The following EIPR1 variants were observed in gnomAD, a reference collection of about 807,000 sequenced individuals.
EIPR1 encodes the protein EARP complex and GARP complex interacting protein 1, also known as EARP and GARP complex-interacting protein 1.
In EIPR1, 25 loss-of-function variants were observed where a neutral mutation model predicts 48.1. The observed-to-expected ratio is 0.52, with a 90% CI of 0.38 to 0.73. The LOEUF (loss-of-function observed/expected upper bound fraction) is 0.73, where lower values mean the gene tolerates loss of function less well. Among genes scored for constraint, EIPR1 ranks in the 30% least tolerant of loss-of-function variants. The pLI, the probability that EIPR1 is intolerant of heterozygous loss-of-function variation, is 0.00. For synonymous variants in EIPR1, 204 were observed against 201.9 expected (o/e 1.01, Z -0.09); for missense variants, 415 against 506.2 (o/e 0.82, Z 1.73).
At chr2:3,267,585 A>G (rs1264773980) in intron 3 of EIPR1, among the ~76,000 whole-genome samples, 1 of 152,236 alleles carries the variant, frequency 6.6e-6, no homozygotes, top group Non-Finnish European at 1.5e-5. Context: ...AGATTGAGCT[A>G]GCAATTTGGT....
intron 3 of EIPR1, among the ~76,000 whole-genome samples, chr2:3,322,885 A>T (rs1421225985): frequency 6.6e-6 from 1 of 152,156 alleles, no homozygotes; most frequent in Non-Finnish European, 1.5e-5. Flanking sequence ...TCCCATCAGC[A>T]CCGTCCCTCC....
At chr2:3,323,956 G>T (rs1047716621) in intron 3 of EIPR1, among the ~76,000 whole-genome samples, 4 of 152,334 alleles carry the variant, frequency 2.6e-5, no homozygotes, top group African/African-American at 7.2e-5. Flanking sequence ...AACACTCTTG[G>T]AAGGTTCAGA....
chr2:3,223,743 C>T (rs564891864), intron 4 of EIPR1, among the ~76,000 whole-genome samples: 1 of 152,226 alleles, frequency 6.6e-6, no homozygotes, highest in Admixed American at 6.5e-5. Context: ...CTGCCCTCTG[C>T]TCTCTCTATG....
chr2:3,303,193 C>T (rs1449995457), intron 3 of EIPR1, among the ~76,000 whole-genome samples: 4 of 152,180 alleles, frequency 2.6e-5, no homozygotes, highest in African/African-American at 7.2e-5. Flanking sequence ...AAGCTGGCTC[C>T]GGCTGATTAA....
At chr2:3,195,370 T>C (rs1043005693) in intron 6 of EIPR1, among the ~76,000 whole-genome samples, 1 of 152,264 alleles carries the variant, frequency 6.6e-6, no homozygotes. Flanking sequence ...GGGAAACTTC[T>C]GTGCCTTGTA....
chr2:3,299,570 T>C (rs1428103721), intron 3 of EIPR1, among the ~76,000 whole-genome samples: 2 of 151,736 alleles, frequency 1.3e-5, no homozygotes, highest in Non-Finnish European at 2.9e-5. Context: ...AAATTCCCAT[T>C]TGTATGTTTT....
At position 3,242,614 on chromosome 2, in the gene EIPR1, G is replaced by C. The variant is rs145521619; in HGVS notation, c.416+14685C>G. ...GGCTGGAAGACAGAGATTTCAGATG[G>C]CGTGGAAGCTTGTGCTCAGACTAAG... On this transcript the variant is annotated intron_variant, in intron 4 of 8. Coordinates refer to ENST00000382125, the MANE Select transcript of EIPR1 (RefSeq NM_003310.5). Among the ~76,000 whole-genome samples the C allele has an allele frequency of 3.6e-3, 544 of 152,344 alleles. 5 individuals are homozygous for C. Among genetic ancestry groups the C allele is most frequent in the African/African-American group, 0.013 (525 of 41,578 alleles).
chr2:3,202,558 G>A (rs1665085389), intron 5 of EIPR1, among the ~76,000 whole-genome samples: 1 of 152,190 alleles, frequency 6.6e-6, no homozygotes, highest in African/African-American at 2.4e-5. Context: ...CCTTTAGAAG[G>A]TAATGCAAAT....
At chr2:3,238,756 G>A (rs1197636467) in intron 4 of EIPR1, among the ~76,000 whole-genome samples, 1 of 152,244 alleles carries the variant, frequency 6.6e-6, no homozygotes, top group Non-Finnish European at 1.5e-5. Context: ...TGAAGAGAAA[G>A]GAGCTTGCTT....
chr2:3,369,092 T>G (rs1671044979), intron 1 of EIPR1, among the ~76,000 whole-genome samples: 2 of 152,206 alleles, frequency 1.3e-5, no homozygotes, highest in Non-Finnish European at 2.9e-5. Context: ...TTCTTCAAAC[T>G]TAAGAAAGTC....
intron 3 of EIPR1, among the ~76,000 whole-genome samples, chr2:3,262,589 C>A (rs1667367397): frequency 1.3e-5 from 2 of 152,238 alleles, no homozygotes; most frequent in South Asian, 4.1e-4. Context: ...TGGGGAGAGG[C>A]AGCCCTGCTT....
At chr2:3,272,645 T>C (rs1199884975) in intron 3 of EIPR1, among the ~76,000 whole-genome samples, 1 of 152,084 alleles carries the variant, frequency 6.6e-6, no homozygotes, top group Non-Finnish European at 1.5e-5. Flanking sequence ...ACAATTACAA[T>C]AGGAACATCA....
chr2:3,246,306 T>A (rs1666792429), intron 4 of EIPR1, among the ~76,000 whole-genome samples: 1 of 152,142 alleles, frequency 6.6e-6, no homozygotes, highest in Non-Finnish European at 1.5e-5. Context: ...TTTCCACTGT[T>A]CTGTCATACT....
chr2:3,347,042 C>T (rs1166527026), intron 2 of EIPR1, among the ~76,000 whole-genome samples: 1 of 152,100 alleles, frequency 6.6e-6, no homozygotes, highest in African/African-American at 2.4e-5. Context: ...AAGCATGTGG[C>T]ACTCCCCCTC....
intron 3 of EIPR1, among the ~76,000 whole-genome samples, chr2:3,333,393 C>A (rs1363053646): frequency 1.3e-5 from 2 of 152,170 alleles, no homozygotes; most frequent in African/African-American, 4.8e-5. Flanking sequence ...TAGACACCCT[C>A]CTCAGAGGCC....
At chr2:3,370,059 T>C (rs994246740) in intron 1 of EIPR1, among the ~76,000 whole-genome samples, 6 of 152,092 alleles carry the variant, frequency 3.9e-5, no homozygotes, top group Admixed American at 3.3e-4. Flanking sequence ...GGAACGATCA[T>C]ACAGCAACAT....
intron 3 of EIPR1, 49 bp from the exon 4 acceptor site, chr2:3,257,504 C>A: frequency 6.3e-7 from 1 of 1,598,052 alleles, no homozygotes; most frequent in Non-Finnish European, 8.6e-7. Context: ...CGGTGTGCCC[C>A]GCATTCTGCA....
chr2:3,342,253 A>G (rs1395620419), intron 2 of EIPR1, among the ~76,000 whole-genome samples: 2 of 152,268 alleles, frequency 1.3e-5, no homozygotes, highest in East Asian at 3.8e-4. Flanking sequence ...AAAGCAGGCT[A>G]TAAAATGGCA....
intron 4 of EIPR1, among the ~76,000 whole-genome samples, chr2:3,250,353 G>A (rs766865440): frequency 2.0e-5 from 3 of 152,250 alleles, no homozygotes; most frequent in African/African-American, 4.8e-5. Flanking sequence ...CATGGGGCCT[G>A]CTGCCCCTCT....
Sources: allele counts gnomAD v4.1 joint callset (sites outside exome capture counted in the v4.1 genomes callset), GRCh38; gene constraint gnomAD v4.1.1; transcripts MANE v1.5; gene names NCBI Gene and HGNC (gene_info 2026-07-23, HGNC 2026-07-21).